Variants in DERPC observed in about 807,000 individuals in gnomAD.
DERPC encodes the protein decreased expression in renal and prostate cancer protein.
A neutral mutation model predicts 7.2 loss-of-function variants in DERPC; 1 was observed. The observed-to-expected ratio is 0.14, with a 90% CI of 0.05 to 0.66. The LOEUF (loss-of-function observed/expected upper bound fraction) is 0.66, where lower values mean the gene tolerates loss of function less well. Ranked by LOEUF, DERPC falls within the 30% of genes least tolerant of loss-of-function variation. DERPC has a pLI of 0.84. For synonymous variants in DERPC, 185 were observed against 117.6 expected (o/e 1.57, Z -3.71); for missense variants, 502 against 299.4 (o/e 1.68, Z -4.99).
intron 1 of DERPC, among the ~76,000 whole-genome samples, chr16:69,127,789 T>C (rs1424011502): frequency 1.3e-5 from 2 of 151,864 alleles, no homozygotes; most frequent in Non-Finnish European, 2.9e-5. Context: ...TTTGTATTTT[T>C]AGTAGAGACA....
At chr16:69,121,277 T>C (rs1961634135) in intron 2 of DERPC, 159 bp downstream of exon 2, 4 of 1,302,276 alleles carry the variant, frequency 3.1e-6, no homozygotes, top group Non-Finnish European at 3.2e-6. Context: ...GGATGTCAAG[T>C]TCTTGGGAAA....
rs765022668 is a variant in DERPC at position 69,119,087 on chromosome 16, G to A, written c.1342C>T (p.His448Tyr). The A allele has an allele frequency of 4.3e-6, 3 of 703,068 alleles. No homozygotes were observed. Among genetic ancestry groups the A allele is most frequent in the South Asian group, 3.0e-5 (2 of 67,572 alleles). 43.6% of individuals were successfully genotyped at this position (703,068 alleles called of 1,614,324 possible). The change falls in exon 3 of 3, where the codon CAT (histidine) becomes TAT (tyrosine). Residue 448 changes from histidine to tyrosine, a missense_variant. Physicochemically the swap from His to Tyr is moderately conservative, Grantham distance 83. Transcript: ENST00000519520. ...GGGCCAGCTGGAGAAGGGCCCAGAT[G>A]CCCGGCAGCTGGCCTGGGGAAAGTA... ...QVTFPRPAAGHLGPSPAGPVG... is the reference protein window; with the variant it reads ...QVTFPRPAAGYLGPSPAGPVG...
At chr16:69,126,185 C>T (rs564094871) in intron 1 of DERPC, among the ~76,000 whole-genome samples, 7 of 152,242 alleles carry the variant, frequency 4.6e-5, no homozygotes, top group South Asian at 2.1e-4. Context: ...CATAGGTACA[C>T]GGTATATTCT....
At chr16:69,130,086 T>C (rs1347695045) in intron 1 of DERPC, among the ~76,000 whole-genome samples, 4 of 152,212 alleles carry the variant, frequency 2.6e-5, no homozygotes, top group African/African-American at 4.8e-5. Context: ...GGTCTCTGAA[T>C]TGTTAAATAT....
rs775497648 is a variant in DERPC at position 69,119,642 on chromosome 16, G to T, written c.787C>A (p.Leu263Ile). 1.5e-6 allele frequency: 1 copy of T among 682,594 alleles called. No homozygotes were observed. The highest frequency in any genetic ancestry group is 2.7e-6 in the Non-Finnish European group (1 of 374,186). 42.3% of individuals were successfully genotyped at this position (682,594 alleles called of 1,614,324 possible). The change falls in exon 3 of 3, where the codon CTT becomes ATT. Residue 263 changes from leucine to isoleucine, a missense_variant. Coordinates refer to ENST00000519520, the MANE Select transcript of DERPC (RefSeq NM_001002847.4). ...AGGLLGTGSG[L>I]NLRMAGPQGL... is the part of the protein sequence containing the mutation. ...TGAGGTCCAGCCATTCTTAAGTTAAGACCAGATCCTGTGCCCAAGAGGCCA... is the reference window on the plus strand; with the variant it reads ...TGAGGTCCAGCCATTCTTAAGTTAATACCAGATCCTGTGCCCAAGAGGCCA...
intron 2 of DERPC, 190 bp downstream of exon 2, chr16:69,121,246 G>A (rs1472669633): frequency 2.1e-6 from 3 of 1,405,932 alleles, no homozygotes; most frequent in Admixed American, 1.9e-5. Context: ...CACCATTTGA[G>A]GCCCAAAGGA....
chr16:69,132,462 TG>T (rs1254524567), intron 1 of DERPC, 21 bp downstream of exon 1: 3 of 185,794 alleles, frequency 1.6e-5, no homozygotes, highest in Non-Finnish European at 3.0e-5. Flanking sequence ...CAGCCTCCCG[TG>T]CCCCCCGCCC....
intron 1 of DERPC, among the ~76,000 whole-genome samples, chr16:69,128,820 C>A (rs778628033): frequency 6.6e-6 from 1 of 152,170 alleles, no homozygotes; most frequent in Non-Finnish European, 1.5e-5. Flanking sequence ...AATCCCAGCA[C>A]TTTGGGAGCC....
At chr16:69,121,548 A>C (rs1258388896) in intron 1 of DERPC, 55 bp from the exon 2 acceptor site, 3 of 1,029,330 alleles carry the variant, frequency 2.9e-6, no homozygotes, top group Non-Finnish European at 4.4e-6. Flanking sequence ...TAATAATGAC[A>C]CCTAATGCAA....
At chr16:69,129,781 C>T (rs555931126) in intron 1 of DERPC, among the ~76,000 whole-genome samples, 2 of 152,204 alleles carry the variant, frequency 1.3e-5, no homozygotes, top group South Asian at 2.1e-4. Flanking sequence ...ATATTAGCCT[C>T]GTTCTCACAG....
At chr16:69,129,004 C>G (rs1028390906) in intron 1 of DERPC, among the ~76,000 whole-genome samples, 2 of 151,952 alleles carry the variant, frequency 1.3e-5, no homozygotes, top group African/African-American at 4.8e-5. Flanking sequence ...GCGGTAGTTA[C>G]AGTGAGCCGA....
chr16:69,121,243 T>G, intron 2 of DERPC, 193 bp downstream of exon 2: 5 of 1,434,830 alleles, frequency 3.5e-6, no homozygotes, highest in Non-Finnish European at 4.8e-6. Flanking sequence ...CACCACCATT[T>G]GAGGCCCAAA....
At chr16:69,121,222 T>G (rs1362170496) in intron 2 of DERPC, 50 of 1,495,330 alleles carry the variant, frequency 3.3e-5, no homozygotes, top group East Asian at 2.5e-4. Context: ...GAAGGATGAA[T>G]AGTGTCCTCA....
chr16:69,118,199 C>T lies in DERPC; in HGVS notation c.*655G>A. ...GAGGTTCTTTGATTGATTGGGAGTA[C>T]CAGTGAAGAGGGAGTTGGATGAGTA... On this transcript the variant is annotated 3_prime_UTR_variant, in exon 3 of 3. Coordinates refer to ENST00000519520, the MANE Select transcript of DERPC (RefSeq NM_001002847.4). 2.5e-6 allele frequency: 1 copy of T among 392,998 alleles called. No individual in the cohort carries two copies. The highest frequency in any genetic ancestry group is 4.9e-6 in the Non-Finnish European group (1 of 203,908). 24.3% of individuals were successfully genotyped at this position (392,998 alleles called of 1,614,324 possible). A position where few individuals can be genotyped will look rare whatever the true frequency, so the allele number is the denominator to read the frequency against.
chr16:69,120,544 A>T lies in DERPC; in HGVS notation c.-116T>A. The T allele has an allele frequency of 6.2e-7, 1 of 1,614,144 alleles. No individual in the cohort carries two copies. Among genetic ancestry groups the T allele is most frequent in the South Asian group, 1.1e-5 (1 of 91,084 alleles). On this transcript the variant is annotated 5_prime_UTR_variant, in exon 3 of 3. Transcript: ENST00000519520. This position sits in a 1 kb window ranked among gnomAD's most constrained non-coding sequence, Gnocchi z 4.0. The stretch of plus-strand genomic sequence containing the variant: ...CCAGTCTCGCGGCCAAGCTCATCAC[A>T]GTCCTGATCCCCAGGAGTGTGTTTG...
chr16:69,127,571 A>G (rs1962159912), intron 1 of DERPC, among the ~76,000 whole-genome samples: 1 of 151,440 alleles, frequency 6.6e-6, no homozygotes, highest in South Asian at 2.1e-4. Flanking sequence ...AGAAACTAAA[A>G]GAGAGTCAGT....
Position 69,120,817 on chromosome 16 carries a change from C to T in DERPC, c.-221-168G>A, listed in dbSNP as rs949527735. On this transcript the variant is annotated intron_variant, in intron 2 of 2. Coordinates refer to ENST00000519520, the MANE Select transcript of DERPC (RefSeq NM_001002847.4). This position sits in a 1 kb window ranked among gnomAD's most constrained non-coding sequence, Gnocchi z 4.0. Reference sequence around the variant, plus strand: ...ACCACCCACCCATGTGCCCTTTTTACTTTCTAGCCCCACATAGGAGAATTT... The same window carrying T: ...ACCACCCACCCATGTGCCCTTTTTATTTTCTAGCCCCACATAGGAGAATTT... The T allele has an allele frequency of 5.5e-6, 4 of 724,692 alleles. No individual in the cohort carries two copies. In the East Asian group the frequency reaches 1.1e-4, roughly 19 times the overall value. 44.9% of individuals were successfully genotyped at this position (724,692 alleles called of 1,614,324 possible). A position where few individuals can be genotyped will look rare whatever the true frequency, so the allele number is the denominator to read the frequency against.
intron 1 of DERPC, among the ~76,000 whole-genome samples, chr16:69,128,296 C>A (rs991585147): frequency 6.6e-6 from 1 of 152,162 alleles, no homozygotes; most frequent in Non-Finnish European, 1.5e-5. Context: ...TCTAGGTTGA[C>A]AAGGTTAACT....
At chr16:69,129,417 G>A (rs1322287629) in intron 1 of DERPC, among the ~76,000 whole-genome samples, 7 of 126,130 alleles carry the variant, frequency 5.5e-5, no homozygotes, top group South Asian at 2.6e-4. Context: ...GCAACAGAGC[G>A]AGACTCCGTC....
Sources: allele counts gnomAD v4.1 joint callset (sites outside exome capture counted in the v4.1 genomes callset), GRCh38; gene constraint gnomAD v4.1.1; non-coding constraint Gnocchi (gnomAD v3.1); transcripts MANE v1.5; gene names NCBI Gene and HGNC (gene_info 2026-07-23, HGNC 2026-07-21).